Variants in SETX observed in about 807,000 individuals in gnomAD.
The protein encoded by SETX is helicase senataxin.
Under a neutral mutation model 227.2 loss-of-function variants are expected in SETX, and 90 were observed. The ratio of observed to expected loss-of-function variants is 0.40; its 90% CI spans 0.33 to 0.47. The LOEUF (loss-of-function observed/expected upper bound fraction) is 0.47, where lower values mean the gene tolerates loss of function less well. SETX is among the 20% of genes least tolerant of loss of function. The pLI, the probability that SETX is intolerant of heterozygous loss-of-function variation, is 0.91. For synonymous variants in SETX, 1,210 were observed against 1,113.2 expected (o/e 1.09, Z -1.73); for missense variants, 3,052 against 3,181.5 (o/e 0.96, Z 0.98).
intron 11 of SETX, 113 bp from the exon 12 acceptor site, chr9:132,300,916 A>G: frequency 1.1e-6 from 1 of 883,356 alleles, no homozygotes; most frequent in Non-Finnish European, 1.7e-6. Flanking sequence ...CACAGCACTA[A>G]AGGACTCTGC....
chr9:132,280,924 A>AC (rs1843465686), intron 20 of SETX, among the ~76,000 whole-genome samples: 1 of 152,016 alleles, frequency 6.6e-6, no homozygotes, highest in African/African-American at 2.4e-5. Flanking sequence ...TTTCCCCTGT[A>AC]CCTTCACTTT....
intron 4 of SETX, 39 bp downstream of exon 4, chr9:132,346,222 T>C (rs189584496): frequency 4.6e-6 from 7 of 1,513,818 alleles, no homozygotes; most frequent in African/African-American, 4.1e-5. Flanking sequence ...ACTAAAATAA[T>C]AAAACTGATA....
Position 132,346,399 on chromosome 9 carries a change from C to T in SETX, c.250G>A (p.Asp84Asn). ...EKSMKAEIGD[D>N]DELYIVDNNG... ...TTGTCTACTATATATAACTCATCAT[C>T]ATCTCCAATTTCTGCCTTCATGGAT... The change falls in exon 4 of 26, where the codon GAT (aspartate) becomes AAT (asparagine). Residue 84 changes from aspartate to asparagine, a missense_variant. Around this residue, in one of 10 missense-constraint regions of SETX, gnomAD observed 152 missense variants for 156.2 expected, o/e 0.97. Coordinates refer to ENST00000224140, the MANE Select transcript of SETX (RefSeq NM_015046.7). 6.2e-7 allele frequency: 1 copy of T among 1,613,850 alleles called. No individual in the cohort carries two copies. The highest frequency in any genetic ancestry group is 1.3e-5 in the African/African-American group (1 of 75,038).
At chr9:132,341,547 C>A (rs779982508) in intron 5 of SETX, among the ~76,000 whole-genome samples, 13 of 152,206 alleles carry the variant, frequency 8.5e-5, no homozygotes, top group Non-Finnish European at 1.6e-4. Context: ...CAGCTCAGGG[C>A]TCCCAACCTT....
Position 132,349,357 on chromosome 9 carries a change from G to A in SETX, c.72C>T (p.Asn24=). The A allele has an allele frequency of 6.2e-7, 1 of 1,614,164 alleles. No homozygotes were observed. The highest frequency in any genetic ancestry group is 8.5e-7 in the Non-Finnish European group (1 of 1,180,024). Residue 24 remains asparagine, a synonymous_variant, in exon 3 of 26, where the codon AAC becomes AAT. Coordinates refer to ENST00000224140, the MANE Select transcript of SETX (RefSeq NM_015046.7). ...CTGTTTGAAATTCACCGGACGGAGT[G>A]TTGGAAGCATAGCGCTTTAGGAAGT... ...TIDFLKRYAS[N]TPSGEFQTAD...
chr9:132,311,456 T>C (rs556047908), intron 11 of SETX, among the ~76,000 whole-genome samples: 274 of 152,234 alleles, frequency 1.8e-3, no homozygotes, highest in Non-Finnish European at 3.1e-3. Flanking sequence ...TCAGAATCTG[T>C]AAAGACTATT....
rs1280773111 is a variant in SETX, at chr9:132,331,516, A to G, written c.839-68T>C. The G allele has an allele frequency of 4.6e-6, 7 of 1,527,250 alleles. No homozygotes were observed. The East Asian group carries it at 1.6e-4, about 36-fold the overall frequency. 94.6% of individuals were successfully genotyped at this position (1,527,250 alleles called of 1,614,324 possible). On this transcript the variant is annotated intron_variant, in intron 7 of 25. Transcript: ENST00000224140. ...AAAAACATACTACAATATATTGAGA[A>G]TTAAGCATATTCTTTATCTGGTGAG...
At chr9:132,341,261 C>A (rs1467286923) in intron 5 of SETX, among the ~76,000 whole-genome samples, 3 of 151,956 alleles carry the variant, frequency 2.0e-5, no homozygotes, top group Non-Finnish European at 4.4e-5. Context: ...TTTAATAAAC[C>A]AGCCCTTGTC....
intron 10 of SETX, among the ~76,000 whole-genome samples, chr9:132,320,115 A>G (rs1485359273): frequency 2.0e-5 from 3 of 152,222 alleles, no homozygotes; most frequent in Non-Finnish European, 2.9e-5. Flanking sequence ...CGTCACATCA[A>G]TATACAAAAG....
chr9:132,270,826 G>C (rs1014052992), intron 24 of SETX, among the ~76,000 whole-genome samples: 29 of 152,156 alleles, frequency 1.9e-4, no homozygotes, highest in African/African-American at 6.5e-4. Flanking sequence ...CTCAGAAATA[G>C]AATTGATGTA....
Position 132,275,372 on chromosome 9 carries a change from C to T in SETX, c.6984G>A (p.Lys2328=), listed in dbSNP as rs1200530752. The change falls in exon 23 of 26, where the codon AAG becomes AAA. Residue 2328 remains lysine (K), a synonymous_variant. Coordinates refer to ENST00000224140, the MANE Select transcript of SETX (RefSeq NM_015046.7). ...CATCCTTTCTTTTGTCTTTAATAAG[C>T]TTAATTATTTCCATCACCAGTTTTA... ...QEIKLVMEII[K]LIKDKRKDVS... 1.9e-6 allele frequency: 3 copies of T among 1,608,106 alleles called. No homozygotes were observed. The South Asian group carries it at 3.3e-5, about 18-fold the overall frequency.
At chr9:132,268,223 T>C (rs756592805) in intron 25 of SETX, among the ~76,000 whole-genome samples, 1 of 152,232 alleles carries the variant, frequency 6.6e-6, no homozygotes, top group Non-Finnish European at 1.5e-5. Context: ...ACTGAGAGGT[T>C]GCATGCACCC....
chr9:132,334,506 C>A (rs1245146012), intron 7 of SETX, 102 bp downstream of exon 7: 7 of 1,357,606 alleles, frequency 5.2e-6, no homozygotes, highest in South Asian at 1.2e-5. Flanking sequence ...CAGAAAAATT[C>A]TTTTCTCCAC....
chr9:132,311,114 C>T (rs1413438763), intron 11 of SETX, among the ~76,000 whole-genome samples: 1 of 152,058 alleles, frequency 6.6e-6, no homozygotes, highest in East Asian at 1.9e-4. Context: ...CTACAGGCAC[C>T]CGCCACCATG....
At position 132,296,398 on chromosome 9, in the gene SETX, C is replaced by A. The variant is rs1844670503; in HGVS notation, c.5950-370G>T. Among the ~76,000 whole-genome samples, 6 of 151,970 alleles carry A rather than the reference C, an allele frequency of 3.9e-5. 1 individual carries two copies. In the South Asian group the frequency reaches 1.0e-3, roughly 26 times the overall value. On this transcript the variant is annotated intron_variant, in intron 14 of 25. Coordinates refer to ENST00000224140, the MANE Select transcript of SETX (RefSeq NM_015046.7). ...CGAAACCCCATCTCTACTAAAAATA[C>A]AAAAATTAGCTGTGGGTGGTGGTGT...
At chr9:132,340,372 T>C (rs1162006445) in intron 5 of SETX, among the ~76,000 whole-genome samples, 1 of 152,264 alleles carries the variant, frequency 6.6e-6, no homozygotes, top group Non-Finnish European at 1.5e-5. Flanking sequence ...ATATATCTGC[T>C]TCTACTGAAA....
chr9:132,341,717 A>C (rs929842592), intron 5 of SETX, among the ~76,000 whole-genome samples: 21 of 152,182 alleles, frequency 1.4e-4, no homozygotes, highest in African/African-American at 5.1e-4. Context: ...CAGGCAAAGA[A>C]GCACCCCCAT....
intron 15 of SETX, among the ~76,000 whole-genome samples, chr9:132,290,574 CAAAAAAAAAAA>C (rs59954158): frequency 9.4e-4 from 42 of 44,722 alleles, no homozygotes; most frequent in African/African-American, 2.3e-3. Flanking sequence ...GACTCCGTCT[CAAAAAAAAAAA>C]AAAAAAAAAA....
rs141045394 is a variant in SETX, at chr9:132,352,061, C to A, written c.-8+1588G>T. On this transcript the variant is annotated intron_variant, in intron 2 of 25. Coordinates refer to ENST00000224140, the MANE Select transcript of SETX (RefSeq NM_015046.7). ...CAAATAACAATCTCTTTCTTCTACA[C>A]TTCTCAGCTAAACATCTGGAAGTTT... Among the ~76,000 whole-genome samples the A allele has an allele frequency of 1.6e-4, 24 of 152,346 alleles. 1 individual carries two copies. In the East Asian group the frequency reaches 4.6e-3, roughly 29 times the overall value.
Sources: gnomAD v4.1 joint callset for allele counts (sites outside exome capture counted in the v4.1 genomes callset) on GRCh38, gnomAD v4.1.1 for gene constraint, gnomAD v4.1.1 regional missense constraint, MANE v1.5 for transcripts, NCBI Gene and HGNC (gene_info 2026-07-23, HGNC 2026-07-21) for gene names.